DYSF: variants seen among roughly 807,000 people sequenced by gnomAD.
DYSF encodes dystrophy-associated fer-1-like 1.
Under a neutral mutation model 274.9 loss-of-function variants are expected in DYSF, and 212 were observed. That is an observed-to-expected ratio of 0.77 (90% CI 0.69 to 0.86). DYSF has a LOEUF of 0.86. Among genes scored for constraint, DYSF ranks in the 40% least tolerant of loss-of-function variants. The probability of loss-of-function intolerance (pLI) is 0.00; values close to 1 mark genes in which losing one functional copy is unlikely to be tolerated. For synonymous variants in DYSF, 1,091 were observed against 1,078.7 expected (o/e 1.01, Z -0.22); for missense variants, 2,666 against 2,783.2 (o/e 0.96, Z 0.95).
intron 41 of DYSF, among the ~76,000 whole-genome samples, chr2:71,637,967 G>C (rs544561614): frequency 6.6e-6 from 1 of 152,118 alleles, no homozygotes; most frequent in Non-Finnish European, 1.5e-5. Context: ...TAGGCCATTC[G>C]TCTCAGCAGC....
chr2:71,669,350 C>A, intron 50 of DYSF, 143 bp downstream of exon 50: 1 of 907,038 alleles, frequency 1.1e-6, no homozygotes, highest in Non-Finnish European at 1.8e-6. Flanking sequence ...GTGGTCCCTG[C>A]CTTTGGGGAA....
chr2:71,564,823 G>T (rs1352847039), intron 24 of DYSF, among the ~76,000 whole-genome samples: 1 of 152,208 alleles, frequency 6.6e-6, no homozygotes, highest in Non-Finnish European at 1.5e-5. Context: ...TTCCAGGAGG[G>T]TCACCAGCTT....
intron 42 of DYSF, among the ~76,000 whole-genome samples, chr2:71,653,500 G>A (rs1230974047): frequency 1.3e-5 from 2 of 152,072 alleles, no homozygotes; most frequent in African/African-American, 4.8e-5. Context: ...ATGAGTTCAT[G>A]TCCTTTGTAG....
chr2:71,570,316 C>G lies in DYSF; in HGVS notation c.3067C>G (p.Arg1023Gly), dbSNP rs778316824. 1 of 1,614,074 alleles carries G rather than the reference C, an allele frequency of 6.2e-7. No homozygotes were observed. The change falls in exon 28 of 56, where the codon CGG becomes GGG. Residue 1023 changes from arginine to glycine, a missense_variant. This residue lies in a region of DYSF where 1,460 missense variants were observed against 1,502.1 expected (regional missense o/e 0.97). Transcript: ENST00000410020. Reference sequence around the variant, plus strand: ...TGAGGAATGGTCCACAGACCTCAACCGGGCTGTCGATGAGCAAGGTGGGCA... The same window carrying G: ...TGAGGAATGGTCCACAGACCTCAACGGGGCTGTCGATGAGCAAGGTGGGCA... ...EDEEWSTDLN[R>G]AVDEQGWEYS...
At chr2:71,522,289 G>A (rs13011433) in intron 12 of DYSF, among the ~76,000 whole-genome samples, 120,267 of 151,320 alleles carry the variant, frequency 0.79, 49,047 homozygotes, top group African/African-American at 0.88. Flanking sequence ...CCACTCCATT[G>A]CCAGCTGCTC....
At chr2:71,453,820 C>T in exon 1 of DYSF, 1 of 674,476 alleles carries the variant, frequency 1.5e-6, no homozygotes, top group Non-Finnish European at 2.7e-6. Context: ...ACTGGAGCAG[C>T]CGGGGGTGGC....
At chr2:71,536,516 C>T (rs1045099423) in intron 16 of DYSF, among the ~76,000 whole-genome samples, 7 of 152,212 alleles carry the variant, frequency 4.6e-5, no homozygotes, top group African/African-American at 7.2e-5. Flanking sequence ...CCATGTGTGC[C>T]GCTCTGACTG....
intron 55 of DYSF, 125 bp downstream of exon 55, chr2:71,682,802 G>C (rs1465647210): frequency 7.3e-7 from 1 of 1,371,620 alleles, no homozygotes; most frequent in East Asian, 2.5e-5. Flanking sequence ...AGAGCCCCTG[G>C]TCTGATGAGG....
At chr2:71,654,500 T>C (rs1244980414) in intron 42 of DYSF, among the ~76,000 whole-genome samples, 2 of 152,306 alleles carry the variant, frequency 1.3e-5, no homozygotes, top group Non-Finnish European at 2.9e-5. Context: ...ATAATGTTGA[T>C]GGCTGGGTCT....
chr2:71,596,275 G>C (rs1184875449), intron 32 of DYSF, among the ~76,000 whole-genome samples: 1 of 152,160 alleles, frequency 6.6e-6, no homozygotes, highest in Non-Finnish European at 1.5e-5. Context: ...TCGGGGGCCA[G>C]CGTGGGGGGT....
At chr2:71,479,346 G>A (rs1357366050) in intron 1 of DYSF, among the ~76,000 whole-genome samples, 1 of 151,732 alleles carries the variant, frequency 6.6e-6, no homozygotes, top group African/African-American at 2.4e-5. Context: ...TGTCTTCATG[G>A]AAGACGTGTC....
At chr2:71,566,502 T>C (rs1308600452) in intron 24 of DYSF, among the ~76,000 whole-genome samples, 1 of 152,234 alleles carries the variant, frequency 6.6e-6, no homozygotes, top group African/African-American at 2.4e-5. Flanking sequence ...GTTTCTTAAC[T>C]TAAACCAAAG....
chr2:71,669,632 G>A lies in DYSF; in HGVS notation c.5670G>A (p.Lys1890=). ...KGWMIGFEEH[K]QKTDVHYRSL... Reference sequence around the variant, plus strand: ...GGATGATTGGCTTTGAAGAACACAAGCAAAAGACAGACGTGCATTATCGTT... The same window carrying A: ...GGATGATTGGCTTTGAAGAACACAAACAAAAGACAGACGTGCATTATCGTT... Residue 1890 remains lysine, a synonymous_variant, in exon 51 of 56, where the codon AAG becomes AAA. Coordinates refer to ENST00000410020, the MANE Select transcript of DYSF (RefSeq NM_001130987.2). 1 of 1,614,166 alleles carries A rather than the reference G, an allele frequency of 6.2e-7. No homozygotes were observed. The highest frequency in any genetic ancestry group is 2.2e-5 in the East Asian group (1 of 44,882).
intron 30 of DYSF, among the ~76,000 whole-genome samples, chr2:71,582,038 C>T (rs1215716212): frequency 7.7e-6 from 1 of 129,254 alleles, no homozygotes; most frequent in Non-Finnish European, 1.5e-5. Context: ...ACCTGGGAGG[C>T]AGAGGTTGCG....
At chr2:71,508,371 C>A (rs1024648252) in intron 4 of DYSF, among the ~76,000 whole-genome samples, 1 of 152,178 alleles carries the variant, frequency 6.6e-6, no homozygotes, top group South Asian at 2.1e-4. Flanking sequence ...ACCCCAGTCG[C>A]GGCTCATCCA....
intron 12 of DYSF, among the ~76,000 whole-genome samples, chr2:71,521,783 G>T (rs2087301195): frequency 6.6e-6 from 1 of 152,098 alleles, no homozygotes; most frequent in Non-Finnish European, 1.5e-5. Flanking sequence ...CCCGGGTGCT[G>T]TCCGCCTCTT....
chr2:71,652,231 A>C (rs147538981), intron 42 of DYSF, among the ~76,000 whole-genome samples: 18 of 152,354 alleles, frequency 1.2e-4, no homozygotes, highest in Non-Finnish European at 2.2e-4. Flanking sequence ...GACAAGACTC[A>C]CTGTGATCAC....
At chr2:71,550,755 G>C (rs559530474) in intron 17 of DYSF, among the ~76,000 whole-genome samples, 3 of 152,310 alleles carry the variant, frequency 2.0e-5, no homozygotes, top group Admixed American at 2.0e-4. Flanking sequence ...CCACCTTGTA[G>C]TCTTGTGTTT....
chr2:71,671,143 G>A (rs950880044), intron 51 of DYSF, among the ~76,000 whole-genome samples: 6 of 152,098 alleles, frequency 3.9e-5, no homozygotes, highest in Non-Finnish European at 1.5e-5. Flanking sequence ...AATGTTCCGC[G>A]GAACATTCTG....
Sources: allele counts gnomAD v4.1 joint callset (sites outside exome capture counted in the v4.1 genomes callset), GRCh38; gene constraint gnomAD v4.1.1; regional missense constraint gnomAD v4.1.1; transcripts MANE v1.5; gene names NCBI Gene and HGNC (gene_info 2026-07-23, HGNC 2026-07-21).